Variants in NXPE4 observed in about 807,000 individuals in gnomAD.
NXPE4 encodes neurexophilin and PC-esterase domain family member 4.
A neutral mutation model predicts 33.3 loss-of-function variants in NXPE4; 42 were observed. That is an observed-to-expected ratio of 1.26 (90% CI 0.98 to 1.63). The LOEUF (loss-of-function observed/expected upper bound fraction) is 1.63, where lower values mean the gene tolerates loss of function less well. NXPE4 is among the 40% of genes most tolerant of loss of function. The pLI is 0.00. For synonymous variants in NXPE4, 253 were observed against 234.9 expected, an observed-to-expected ratio of 1.08 and a Z score of -0.71; for missense variants, 709 against 647.6, an observed-to-expected ratio of 1.09 and a Z score of -1.03.
the NXPE4 span, among the ~76,000 whole-genome samples, chr11:114,674,140 C>G: frequency 6.6e-6 from 1 of 151,384 alleles, no homozygotes; most frequent in Admixed American, 6.6e-5. Context: ...TGAACAAAAC[C>G]TGCTAAGGAA....
the NXPE4 span, among the ~76,000 whole-genome samples, chr11:114,651,833 T>C: frequency 6.6e-6 from 1 of 152,170 alleles, no homozygotes; most frequent in African/African-American, 2.4e-5. Context: ...ATCCTTTAGC[T>C]AGACAGAAAA....
chr11:114,628,127 C>T, the NXPE4 span, among the ~76,000 whole-genome samples: 1 of 145,438 alleles, frequency 6.9e-6, no homozygotes, highest in Non-Finnish European at 1.5e-5. Context: ...AGAAAGTCAA[C>T]AACGATACCC....
At chr11:114,600,986 T>C in the NXPE4 span, among the ~76,000 whole-genome samples, 1 of 151,994 alleles carries the variant, frequency 6.6e-6, no homozygotes, top group Non-Finnish European at 1.5e-5. Context: ...TGCCAAATAG[T>C]CCATCATTTC....
the NXPE4 span, among the ~76,000 whole-genome samples, chr11:114,650,924 G>T: frequency 6.6e-6 from 1 of 152,080 alleles, no homozygotes; most frequent in Non-Finnish European, 1.5e-5. Flanking sequence ...GGTAATACTG[G>T]CTAACAGAGA....
the NXPE4 span, among the ~76,000 whole-genome samples, chr11:114,677,297 AC>A: frequency 0.013 from 1,963 of 152,208 alleles, 30 homozygotes; most frequent in African/African-American, 0.045. Context: ...AATAAAAATA[AC>A]CATGTTAGGT....
chr11:114,675,470 A>G, the NXPE4 span, among the ~76,000 whole-genome samples: 1 of 151,930 alleles, frequency 6.6e-6, no homozygotes, highest in African/African-American at 2.4e-5. Flanking sequence ...GCAGGATACA[A>G]AATTCACTGC....
At chr11:114,584,908 A>C (rs1949254785) in intron 2 of NXPE4, among the ~76,000 whole-genome samples, 1 of 152,146 alleles carries the variant, frequency 6.6e-6, no homozygotes, top group Admixed American at 6.6e-5. Context: ...ATCCCTCTGC[A>C]GGTCTTAACT....
At chr11:114,662,138 G>A in the NXPE4 span, among the ~76,000 whole-genome samples, 1 of 152,130 alleles carries the variant, frequency 6.6e-6, no homozygotes, top group Admixed American at 6.6e-5. Flanking sequence ...CACTGAAGAA[G>A]TAGGAAAAAG....
At chr11:114,605,852 C>G in the NXPE4 span, among the ~76,000 whole-genome samples, 1 of 151,862 alleles carries the variant, frequency 6.6e-6, no homozygotes, top group Non-Finnish European at 1.5e-5. Flanking sequence ...TGGGTAACCA[C>G]TGTTACCTGG....
the NXPE4 span, among the ~76,000 whole-genome samples, chr11:114,617,320 G>A: frequency 1.2e-3 from 182 of 152,014 alleles, no homozygotes; most frequent in Non-Finnish European, 1.7e-3. Flanking sequence ...GTTTTGCCTC[G>A]TGGGTAACCA....
At chr11:114,650,500 A>G in the NXPE4 span, among the ~76,000 whole-genome samples, 1 of 152,218 alleles carries the variant, frequency 6.6e-6, no homozygotes, top group Non-Finnish European at 1.5e-5. Context: ...ATGGGCATAA[A>G]GCCCTGGCCT....
the NXPE4 span, among the ~76,000 whole-genome samples, chr11:114,655,081 GC>G: frequency 6.6e-6 from 1 of 152,098 alleles, no homozygotes; most frequent in Admixed American, 6.5e-5. Context: ...GTGATAATGA[GC>G]TTTTTTTTCT....
At position 114,581,744 on chromosome 11, in the gene NXPE4, A is replaced by G. The variant is rs2135228327; in HGVS notation, c.873T>C (p.Ile291=). 6.2e-7 allele frequency: 1 copy of G among 1,611,752 alleles called. No individual in the cohort carries two copies. Among genetic ancestry groups the G allele is most frequent in the Middle Eastern group, 1.7e-4 (1 of 6,056 alleles). Residue 291 remains isoleucine, a synonymous_variant, in exon 4 of 6, where the codon ATT becomes ATC. Coordinates refer to ENST00000375478, the MANE Select transcript of NXPE4 (RefSeq NM_001077639.2). ...ACTTACTGTTGCATTTGGAGACACT[A>G]ATTGTATTGAATTTTTCCATAATCT... ...GVEIMEKFNT[I]SVSKCNKETV...
chr11:114,675,403 A>G, the NXPE4 span, among the ~76,000 whole-genome samples: 1 of 151,772 alleles, frequency 6.6e-6, no homozygotes, highest in Non-Finnish European at 1.5e-5. Flanking sequence ...ATATATAGAG[A>G]ACTCTAAAGA....
intron 5 of NXPE4, 151 bp from the exon 6 acceptor site, chr11:114,571,624 A>G: frequency 1.3e-6 from 1 of 764,730 alleles, no homozygotes; most frequent in Non-Finnish European, 2.0e-6. Context: ...GTTTTTGAAA[A>G]TTATTTGAAC....
intron 3 of NXPE4, 98 bp from the exon 4 acceptor site, chr11:114,581,884 T>G: frequency 1.2e-6 from 1 of 824,124 alleles, no homozygotes; most frequent in South Asian, 1.6e-5. Flanking sequence ...TTCTTAGAGA[T>G]AAGTCAATTA....
chr11:114,580,881 C>G (rs1177252649), intron 4 of NXPE4, among the ~76,000 whole-genome samples: 1 of 152,164 alleles, frequency 6.6e-6, no homozygotes, highest in Non-Finnish European at 1.5e-5. Context: ...AGATGAACCC[C>G]TCAGTCACTG....
the NXPE4 span, among the ~76,000 whole-genome samples, chr11:114,600,933 C>T: frequency 2.6e-5 from 4 of 151,910 alleles, no homozygotes; most frequent in African/African-American, 9.7e-5. Context: ...ATATAGTTCT[C>T]CATGAAATGA....
the NXPE4 span, among the ~76,000 whole-genome samples, chr11:114,674,652 A>G: frequency 6.6e-6 from 1 of 151,842 alleles, no homozygotes; most frequent in Non-Finnish European, 1.5e-5. Context: ...GCAGTTAGAA[A>G]ACAATGAACA....
Sources: gnomAD v4.1 joint callset for allele counts (sites outside exome capture counted in the v4.1 genomes callset) on GRCh38, gnomAD v4.1.1 for gene constraint, MANE v1.5 for transcripts, NCBI Gene and HGNC (gene_info 2026-07-23, HGNC 2026-07-21) for gene names.